MAK: variants seen among roughly 807,000 people sequenced by gnomAD.
MAK encodes serine/threonine-protein kinase MAK.
MAK carries 65 observed loss-of-function variants against 82.6 expected under a neutral mutation model. The ratio of observed to expected loss-of-function variants is 0.79; its 90% CI spans 0.64 to 0.97. The LOEUF (loss-of-function observed/expected upper bound fraction) is 0.97. MAK is among the 50% of genes least tolerant of loss of function. The pLI is 0.00. For missense variants in MAK, 703 were observed against 780.2 expected (o/e 0.90, Z 1.18); for synonymous variants, 250 against 274.2 (o/e 0.91, Z 0.87).
intron 4 of MAK, among the ~76,000 whole-genome samples, chr6:10,815,588 A>G (rs891438394): frequency 6.6e-6 from 1 of 151,934 alleles, no homozygotes; most frequent in Non-Finnish European, 1.5e-5. Context: ...GCACCACTGC[A>G]CTCTGGCCCT....
intron 13 of MAK, among the ~76,000 whole-genome samples, chr6:10,770,502 A>C (rs900870211): frequency 6.6e-6 from 1 of 152,130 alleles, no homozygotes; most frequent in East Asian, 1.9e-4. Flanking sequence ...GTCTGAACTC[A>C]AGGCCCAGGG....
chr6:10,792,873 T>TA (rs565250436), intron 9 of MAK, among the ~76,000 whole-genome samples: 37 of 152,008 alleles, frequency 2.4e-4, no homozygotes, highest in African/African-American at 6.8e-4. Flanking sequence ...ATAAAGAGAA[T>TA]AAAAAAAATG....
intron 1 of MAK, among the ~76,000 whole-genome samples, chr6:10,835,779 T>C (rs1779110342): frequency 2.0e-5 from 3 of 152,080 alleles, no homozygotes; most frequent in Admixed American, 1.3e-4. Context: ...GCGAGTGTTA[T>C]TCAGGAAGTG....
At chr6:10,836,632 C>T (rs1014346578) in intron 1 of MAK, among the ~76,000 whole-genome samples, 1 of 152,160 alleles carries the variant, frequency 6.6e-6, no homozygotes, top group Non-Finnish European at 1.5e-5. Flanking sequence ...CTACAAGTTA[C>T]ATATATTCTT....
chr6:10,812,641 C>T (rs75156455), intron 5 of MAK, among the ~76,000 whole-genome samples: 1,556 of 150,484 alleles, frequency 0.01, 30 homozygotes, highest in African/African-American at 0.036. Flanking sequence ...TTCATTTCCA[C>T]GATAAAATTA....
At position 10,803,336 on chromosome 6, in the gene MAK, A is replaced by G. The variant is rs529012675; in HGVS notation, c.663+384T>C. On this transcript the variant is annotated intron_variant, in intron 7 of 14. Transcript: ENST00000354489. Reference sequence around the variant, plus strand: ...GCAGATCGCAGATCGCTTGAGCTCAAGAGTTCAAGACCAGCCTGGCCAACA... The same window carrying G: ...GCAGATCGCAGATCGCTTGAGCTCAGGAGTTCAAGACCAGCCTGGCCAACA... 6.6e-5 allele frequency among the ~76,000 whole-genome samples: 10 copies of G among 152,178 alleles called. No homozygotes were observed. The South Asian group carries it at 2.1e-3, about 32-fold the overall frequency.
At chr6:10,830,246 A>C (rs1315713472) in intron 2 of MAK, among the ~76,000 whole-genome samples, 1 of 149,864 alleles carries the variant, frequency 6.7e-6, no homozygotes, top group Admixed American at 6.7e-5. Context: ...GCTCACTGCA[A>C]CTTCCACCTC....
Position 10,830,602 on chromosome 6 carries a change from C to T in MAK, c.47G>A (p.Gly16Glu). ...TMRQLGDGTY[G>E]SVLMGKSNES... Reference sequence around the variant, plus strand: ...ATTACTCTTGCCCATAAGCACACTCCCATACGTGCCGTCCCCCAACTGTCT... The same window carrying T: ...ATTACTCTTGCCCATAAGCACACTCTCATACGTGCCGTCCCCCAACTGTCT... Residue 16 changes from glycine to glutamate, a missense_variant, in exon 2 of 15, where the codon GGG becomes GAG. Coordinates refer to ENST00000354489, the MANE Select transcript of MAK (RefSeq NM_001242957.3). 1 of 1,614,170 alleles carries T rather than the reference C, an allele frequency of 6.2e-7. No homozygotes were observed. Among genetic ancestry groups the T allele is most frequent in the East Asian group, 2.2e-5 (1 of 44,886 alleles).
chr6:10,791,969 G>T, intron 9 of MAK, 122 bp from the exon 10 acceptor site: 1 of 989,600 alleles, frequency 1.0e-6, no homozygotes, highest in Non-Finnish European at 1.6e-6. Context: ...ATACATGTAA[G>T]GGCATAACAT....
At chr6:10,765,359 CTG>C (rs1290415959) in intron 14 of MAK, among the ~76,000 whole-genome samples, 2 of 150,088 alleles carry the variant, frequency 1.3e-5, no homozygotes, top group East Asian at 1.9e-4. Context: ...ATCTATAAAA[CTG>C]TGGCTTCATG....
At chr6:10,764,643 C>A in intron 14 of MAK, 37 bp from the exon 15 acceptor site, 1 of 1,580,384 alleles carries the variant, frequency 6.3e-7, no homozygotes, top group South Asian at 1.1e-5. Flanking sequence ...GGGTTTTACT[C>A]ATTTGCTTAT....
At chr6:10,819,916 T>G (rs1777793951) in intron 2 of MAK, among the ~76,000 whole-genome samples, 1 of 151,628 alleles carries the variant, frequency 6.6e-6, no homozygotes, top group African/African-American at 2.4e-5. Flanking sequence ...ATCGAGACCA[T>G]CCTCGCTAAC....
At chr6:10,781,089 T>A (rs1386078862) in intron 11 of MAK, among the ~76,000 whole-genome samples, 1 of 152,140 alleles carries the variant, frequency 6.6e-6, no homozygotes, top group African/African-American at 2.4e-5. Flanking sequence ...GGGATCTTGC[T>A]CCTCTACACG....
chr6:10,779,007 A>G (rs1773710121), intron 11 of MAK, among the ~76,000 whole-genome samples: 1 of 151,846 alleles, frequency 6.6e-6, no homozygotes, highest in Non-Finnish European at 1.5e-5. Context: ...GTGTGCCTGT[A>G]GTCCCAGCTA....
chr6:10,764,558 G>T lies in MAK; in HGVS notation c.1841C>A (p.Thr614Asn). 1 of 1,614,028 alleles carries T rather than the reference G, an allele frequency of 6.2e-7. No individual in the cohort carries two copies. Among genetic ancestry groups the T allele is most frequent in the Non-Finnish European group, 8.5e-7 (1 of 1,179,958 alleles). ...KTGRGQFSGR[T>N]YNPTAKNLNI... Reference sequence around the variant, plus strand: ...TAGGTTTTTTGCTGTAGGATTATAAGTACGTCCTGAAAACTGCCCCCGACC... The same window carrying T: ...TAGGTTTTTTGCTGTAGGATTATAATTACGTCCTGAAAACTGCCCCCGACC... The change falls in exon 15 of 15, where the codon ACT (threonine) becomes AAT (asparagine). Residue 614 changes from threonine (T) to asparagine (N), a missense_variant. Transcript: ENST00000354489.
chr6:10,818,980 G>C (rs1406960392), intron 2 of MAK, 40 bp from the exon 3 acceptor site: 5 of 1,145,046 alleles, frequency 4.4e-6, no homozygotes, highest in Non-Finnish European at 6.6e-6. Context: ...CAGGGATTGA[G>C]GATTCAAAGA....
At chr6:10,804,450 A>C (rs503940) in intron 6 of MAK, among the ~76,000 whole-genome samples, 126,668 of 152,188 alleles carry the variant, frequency 0.83, 52,617 homozygotes, top group South Asian at 0.86. Context: ...TCAAGTGATT[A>C]TCCTGCCTCA....
At chr6:10,832,223 G>A (rs1007413477) in intron 1 of MAK, among the ~76,000 whole-genome samples, 4 of 152,164 alleles carry the variant, frequency 2.6e-5, no homozygotes, top group African/African-American at 4.8e-5. Context: ...TGGCCTCAGC[G>A]ATCCGCCCGC....
At chr6:10,822,880 C>T (rs1035819721) in intron 2 of MAK, among the ~76,000 whole-genome samples, 1 of 152,122 alleles carries the variant, frequency 6.6e-6, no homozygotes, top group African/African-American at 2.4e-5. Context: ...CATCCTCTAT[C>T]ATAAAGTAAA....
Sources: allele counts gnomAD v4.1 joint callset (sites outside exome capture counted in the v4.1 genomes callset), GRCh38; gene constraint gnomAD v4.1.1; transcripts MANE v1.5; gene names NCBI Gene and HGNC (gene_info 2026-07-23, HGNC 2026-07-21).